Variants in MCC observed in about 807,000 individuals in gnomAD.
MCC encodes colorectal mutant cancer protein.
In MCC, 90 loss-of-function variants were observed where a neutral mutation model predicts 116.2. The observed-to-expected ratio is 0.77, with a 90% CI of 0.65 to 0.92. The LOEUF is 0.92. MCC is among the 40% of genes least tolerant of loss of function. The probability of loss-of-function intolerance (pLI) is 0.00; values close to 1 mark genes in which losing one functional copy is unlikely to be tolerated. For missense variants in MCC, 1,516 were observed against 1,312.2 expected (o/e 1.16, Z -2.40); for synonymous variants, 578 against 510.5 (o/e 1.13, Z -1.78).
chr5:113,045,643 T>C (rs1483096012), intron 16 of MCC, among the ~76,000 whole-genome samples: 1 of 151,784 alleles, frequency 6.6e-6, no homozygotes, highest in African/African-American at 2.4e-5. Flanking sequence ...CTACTAAAAA[T>C]ACAAAATTAA....
intron 11 of MCC, among the ~76,000 whole-genome samples, chr5:113,079,761 G>C (rs984886977): frequency 6.6e-6 from 1 of 152,210 alleles, no homozygotes; most frequent in African/African-American, 2.4e-5. Flanking sequence ...AGGACTTCAT[G>C]ACTAAAACAC....
intron 1 of MCC, among the ~76,000 whole-genome samples, chr5:113,451,376 T>C (rs1771387831): frequency 6.6e-6 from 1 of 152,272 alleles, no homozygotes; most frequent in East Asian, 1.9e-4. Context: ...GTTTTTATTA[T>C]TGTACTGGTC....
intron 3 of MCC, among the ~76,000 whole-genome samples, chr5:113,228,685 C>G (rs975171224): frequency 3.9e-5 from 6 of 152,110 alleles, no homozygotes; most frequent in Non-Finnish European, 7.4e-5. Context: ...AGAGGAATAA[C>G]ATGAATTGAC....
intron 4 of MCC, among the ~76,000 whole-genome samples, chr5:113,146,295 G>T (rs1279832488): frequency 1.1e-5 from 1 of 91,822 alleles, no homozygotes; most frequent in Non-Finnish European, 2.2e-5. Flanking sequence ...CTCTTCTGGA[G>T]AACAAATACC....
chr5:113,237,347 C>T lies in MCC; in HGVS notation c.628-85925G>A, dbSNP rs143542970. ...ACAAAAATTTCTGAATTTTGTAGCA[C>T]AAAAATATTTTAATATGACTTGGTT... is the stretch of plus-strand genomic sequence containing the variant. On this transcript the variant is annotated intron_variant, in intron 3 of 18. Transcript: ENST00000408903. Among the ~76,000 whole-genome samples, 829 of 152,204 alleles carry T rather than the reference C, an allele frequency of 5.4e-3. 6 individuals carry two copies. Among genetic ancestry groups the T allele is most frequent in the Non-Finnish European group, 7.1e-3 (482 of 68,006 alleles).
chr5:113,258,713 T>C (rs1765113738), intron 3 of MCC, among the ~76,000 whole-genome samples: 1 of 152,192 alleles, frequency 6.6e-6, no homozygotes, highest in South Asian at 2.1e-4. Flanking sequence ...AGGGTGGAAA[T>C]GATTTTAGTT....
At chr5:113,281,616 G>C (rs896400267) in intron 3 of MCC, among the ~76,000 whole-genome samples, 3 of 152,322 alleles carry the variant, frequency 2.0e-5, no homozygotes, top group Admixed American at 2.0e-4. Flanking sequence ...ATTGCCACTT[G>C]TTAGCTTATT....
rs567428113 is a variant in MCC at position 113,041,074 on chromosome 5, G to A, written c.2756+2456C>T. Among the ~76,000 whole-genome samples the A allele has an allele frequency of 5.9e-5, 9 of 152,260 alleles. No individual in the cohort carries two copies. In the East Asian group the frequency reaches 7.7e-4, roughly 13 times the overall value. On this transcript the variant is annotated intron_variant, in intron 17 of 18. Transcript: ENST00000408903. ...TTTTCTGCGCAGCTTTTCTCTTCCC[G>A]CCCCAAGCAGAGCAACTGCCATTTA...
chr5:113,131,561 A>T (rs59490914), intron 5 of MCC, among the ~76,000 whole-genome samples: 26,823 of 152,086 alleles, frequency 0.18, 3,840 homozygotes, highest in African/African-American at 0.39. Context: ...AGTAGAAAGG[A>T]TTTAACTTAG....
chr5:113,330,356 C>T (rs1767669618), intron 3 of MCC, among the ~76,000 whole-genome samples: 1 of 152,194 alleles, frequency 6.6e-6, no homozygotes, highest in Non-Finnish European at 1.5e-5. Flanking sequence ...ATACAAAATA[C>T]AAGAATACAT....
At chr5:113,372,901 G>C (rs1053977820) in intron 2 of MCC, among the ~76,000 whole-genome samples, 1 of 152,128 alleles carries the variant, frequency 6.6e-6, no homozygotes, top group Non-Finnish European at 1.5e-5. Context: ...GTTTCTGTCC[G>C]GGCGTGGTGG....
At chr5:113,458,879 A>G (rs1032232323) in intron 1 of MCC, among the ~76,000 whole-genome samples, 3 of 152,208 alleles carry the variant, frequency 2.0e-5, no homozygotes, top group Non-Finnish European at 4.4e-5. Flanking sequence ...AATTGACCAG[A>G]GGAATCTTCA....
At chr5:113,294,599 C>T in intron 3 of MCC, 1 of 1,200,784 alleles carries the variant, frequency 8.3e-7, no homozygotes, top group South Asian at 3.8e-5. Flanking sequence ...GCCATTGCTG[C>T]AGGAGGCTCG....
intron 2 of MCC, among the ~76,000 whole-genome samples, chr5:113,365,099 T>A (rs2150386788): frequency 6.6e-6 from 1 of 152,366 alleles, no homozygotes; most frequent in East Asian, 1.9e-4. Flanking sequence ...GAAAACAGGC[T>A]TTTCTTTTCT....
At chr5:113,316,819 T>C (rs1767298197) in intron 3 of MCC, among the ~76,000 whole-genome samples, 2 of 152,226 alleles carry the variant, frequency 1.3e-5, no homozygotes, top group African/African-American at 4.8e-5. Flanking sequence ...AACCCACTGA[T>C]TTGCTCATAT....
At chr5:113,043,963 CATT>C (rs1428213449) in intron 16 of MCC, among the ~76,000 whole-genome samples, 1 of 150,706 alleles carries the variant, frequency 6.6e-6, no homozygotes, top group African/African-American at 2.4e-5. Context: ...CAGGAACTAT[CATT>C]ATCTCCATTT....
At chr5:113,480,377 C>A (rs1470982601) in intron 1 of MCC, among the ~76,000 whole-genome samples, 1 of 152,160 alleles carries the variant, frequency 6.6e-6, no homozygotes, top group Non-Finnish European at 1.5e-5. Context: ...TATAAAATAC[C>A]ATATTTCAAA....
chr5:113,348,701 T>C lies in MCC; in HGVS notation c.416-7971A>G, dbSNP rs796698163. Reference sequence around the variant, plus strand: ...CAAAATTAGTAGGAAAAAATAATTATAAAGATCAGAGCAGAAATAAATAAA... The same window carrying C: ...CAAAATTAGTAGGAAAAAATAATTACAAAGATCAGAGCAGAAATAAATAAA... On this transcript the variant is annotated intron_variant, in intron 2 of 18. Transcript: ENST00000408903. Among the ~76,000 whole-genome samples the C allele has an allele frequency of 2.4e-4, 36 of 151,794 alleles. 2 individuals are homozygous for C. Among genetic ancestry groups the C allele is most frequent in the African/African-American group, 8.7e-4 (36 of 41,462 alleles).
intron 17 of MCC, among the ~76,000 whole-genome samples, chr5:113,034,638 A>G (rs1050158506): frequency 6.6e-6 from 1 of 152,248 alleles, no homozygotes; most frequent in East Asian, 1.9e-4. Context: ...ATTGCTGATT[A>G]TATGGAATTA....
Sources: allele counts gnomAD v4.1 joint callset (sites outside exome capture counted in the v4.1 genomes callset), GRCh38; gene constraint gnomAD v4.1.1; transcripts MANE v1.5; gene names NCBI Gene and HGNC (gene_info 2026-07-23, HGNC 2026-07-21).